Variants in TM9SF3 observed in about 807,000 individuals in gnomAD.
TM9SF3 encodes the protein transmembrane 9 superfamily member 3, also known as SM-11044-binding protein.
In TM9SF3, 14 loss-of-function variants were observed where a neutral mutation model predicts 78.6. That is an observed-to-expected ratio of 0.18 (90% CI 0.12 to 0.28). The LOEUF is 0.28. Ranked by LOEUF, TM9SF3 falls within the 10% of genes least tolerant of loss-of-function variation. The pLI, the probability that TM9SF3 is intolerant of heterozygous loss-of-function variation, is 1.00. For synonymous variants in TM9SF3, 231 were observed against 241.7 expected, an observed-to-expected ratio of 0.96 and a Z score of 0.41; for missense variants, 496 against 721.9, an observed-to-expected ratio of 0.69 and a Z score of 3.59.
chr10:96,526,716 A>G (rs767379549), intron 14 of TM9SF3, among the ~76,000 whole-genome samples: 1 of 152,120 alleles, frequency 6.6e-6, no homozygotes, highest in African/African-American at 2.4e-5. Flanking sequence ...CAAGTATGCA[A>G]TCATAACAAG....
rs1398641845 is a variant in TM9SF3, at chr10:96,521,288, T to G, written c.*975A>C. On this transcript the variant is annotated 3_prime_UTR_variant, in exon 15 of 15. Transcript: ENST00000371142. ...TCTGTAGTCGATCTGTACATCCAAA[T>G]GCATTTGGGAATCTACACCTACGTT... 1.2e-5 allele frequency: 2 copies of G among 167,404 alleles called. No homozygotes were observed. The highest frequency in any genetic ancestry group is 4.1e-4 in the South Asian group (2 of 4,930). The allele number at this position is 167,404 out of a possible 1,614,324, so 10.4% of individuals were successfully genotyped here.
Position 96,519,701 on chromosome 10 carries a change from AAT to A in TM9SF3, c.*2560_*2561del, listed in dbSNP as rs143200530. 6.6e-6 allele frequency: 1 copy of A among 152,080 alleles called. No homozygotes were observed. Among genetic ancestry groups the A allele is most frequent in the Non-Finnish European group, 1.5e-5 (1 of 67,854 alleles). The allele number at this position is 152,080 out of a possible 1,614,324, so 9.4% of individuals were successfully genotyped here. A position where few individuals can be genotyped will look rare whatever the true frequency, so the allele number is the denominator to read the frequency against. Reference sequence around the variant, plus strand: ...AAAACCTCACCTTTCAATTAACTTGAATAATGTTCTATTTTCTATTCTACAAC... The same window carrying A: ...AAAACCTCACCTTTCAATTAACTTGAAATGTTCTATTTTCTATTCTACAAC... On this transcript the variant is annotated 3_prime_UTR_variant, in exon 15 of 15. Transcript: ENST00000371142.
At chr10:96,530,518 T>A in intron 11 of TM9SF3, 22 bp downstream of exon 11, 1 of 1,592,224 alleles carries the variant, frequency 6.3e-7, no homozygotes. Context: ...CCTCAAAACA[T>A]AAATACATTA....
At chr10:96,578,932 A>C (rs1305889466) in intron 1 of TM9SF3, among the ~76,000 whole-genome samples, 1 of 152,148 alleles carries the variant, frequency 6.6e-6, no homozygotes, top group Admixed American at 6.5e-5. Flanking sequence ...AAATATTAGC[A>C]GGGTGTCGTG....
At chr10:96,567,326 C>G (rs1253294653) in intron 2 of TM9SF3, among the ~76,000 whole-genome samples, 1 of 152,222 alleles carries the variant, frequency 6.6e-6, no homozygotes, top group East Asian at 1.9e-4. Context: ...CTCAGGTGAA[C>G]CGCCCGCCTC....
In TM9SF3 at chr10:96,533,114, G is replaced by A; in HGVS notation, c.1262C>T (p.Ser421Leu). 1 of 1,614,104 alleles carries A rather than the reference G, an allele frequency of 6.2e-7. No individual in the cohort carries two copies. Among genetic ancestry groups the A allele is most frequent in the African/African-American group, 1.3e-5 (1 of 75,030 alleles). The change falls in exon 10 of 15, where the codon TCA (serine) becomes TTA (leucine). Residue 421 changes from serine to leucine, a missense_variant. Physicochemically the swap from Ser to Leu is moderately radical, Grantham distance 145 (BLOSUM62 -2). This residue lies in a region of TM9SF3 where 280 missense variants were observed against 422.6 expected (regional missense o/e 0.66). Coordinates refer to ENST00000371142, the MANE Select transcript of TM9SF3 (RefSeq NM_020123.4). ...ACGACAAGGAAAGTTGGGCTGACCT[G>A]ACAGATTTCGGCCAAGTATTGTACC... ...LVGTILGRNL[S>L]GQPNFPCRVN... is the part of the protein sequence containing the mutation.
chr10:96,535,506 T>A (rs977768424), intron 9 of TM9SF3, among the ~76,000 whole-genome samples: 2 of 152,248 alleles, frequency 1.3e-5, no homozygotes, highest in Non-Finnish European at 2.9e-5. Flanking sequence ...AAATACTTAA[T>A]TTGCAAAATA....
At chr10:96,546,364 G>A (rs1314002570) in intron 8 of TM9SF3, among the ~76,000 whole-genome samples, 1 of 152,180 alleles carries the variant, frequency 6.6e-6, no homozygotes, top group African/African-American at 2.4e-5. Flanking sequence ...AAGAATAAGT[G>A]TAGTAAAGGA....
At chr10:96,566,448 TAAGA>T (rs1472637042) in intron 2 of TM9SF3, among the ~76,000 whole-genome samples, 3 of 152,096 alleles carry the variant, frequency 2.0e-5, no homozygotes, top group Non-Finnish European at 2.9e-5. Context: ...CCCCAATCCT[TAAGA>T]GAGAGAGTAG....
chr10:96,579,112 T>G (rs1183242676), intron 1 of TM9SF3, among the ~76,000 whole-genome samples: 2 of 152,198 alleles, frequency 1.3e-5, no homozygotes, highest in Admixed American at 1.3e-4. Context: ...CAAATAGATA[T>G]TTAATAAATA....
chr10:96,570,786 C>T (rs183949096), intron 2 of TM9SF3, among the ~76,000 whole-genome samples: 3 of 152,314 alleles, frequency 2.0e-5, no homozygotes, highest in East Asian at 1.9e-4. Context: ...GCTCTTGTCA[C>T]GCAGGCTGGA....
chr10:96,528,106 A>G lies in TM9SF3; in HGVS notation c.1466T>C (p.Val489Ala). The G allele has an allele frequency of 6.2e-7, 1 of 1,613,034 alleles. No individual in the cohort carries two copies. The highest frequency in any genetic ancestry group is 8.5e-7 in the Non-Finnish European group (1 of 1,179,192). ...YVYGFMMLVL[V>A]ILCIVTVCVT... ...ACAGACAGTCACAATGCACAGGATA[A>G]CCAGCACCAGCATCATGAAGCCATA... is the stretch of plus-strand genomic sequence containing the variant. Residue 489 changes from valine to alanine, a missense_variant, in exon 12 of 15, where the codon GTT (valine) becomes GCT (alanine). Transcript: ENST00000371142.
At chr10:96,522,734 T>TA (rs1423812964) in intron 14 of TM9SF3, among the ~76,000 whole-genome samples, 2 of 151,920 alleles carry the variant, frequency 1.3e-5, no homozygotes, top group African/African-American at 4.8e-5. Context: ...ATCCAATAGA[T>TA]AAATAGTTAG....
chr10:96,564,508 A>G (rs1848347358), intron 3 of TM9SF3, among the ~76,000 whole-genome samples: 2 of 152,266 alleles, frequency 1.3e-5, no homozygotes, highest in Admixed American at 1.3e-4. Context: ...GATGATGCAT[A>G]TAATTATCTC....
intron 4 of TM9SF3, chr10:96,560,891 C>A: frequency 1.9e-6 from 1 of 526,380 alleles, no homozygotes. Context: ...AACATTAAAG[C>A]AAAAATGCAA....
At chr10:96,583,121 GA>G (rs992317676) in intron 1 of TM9SF3, among the ~76,000 whole-genome samples, 2 of 149,158 alleles carry the variant, frequency 1.3e-5, no homozygotes, top group East Asian at 3.9e-4. Flanking sequence ...GAAAGAAAAA[GA>G]AAAAAAAATA....
In TM9SF3 at chr10:96,586,886, GCCGCCTCCT is replaced by G. The variant is rs1848640513; in HGVS notation, c.-60_-52del. 3.1e-6 allele frequency: 3 copies of G among 975,366 alleles called. No homozygotes were observed. The highest frequency in any genetic ancestry group is 2.6e-6 in the Non-Finnish European group (2 of 783,768). 60.4% of individuals were successfully genotyped at this position (975,366 alleles called of 1,614,324 possible). A position where few individuals can be genotyped will look rare whatever the true frequency, so the allele number is the denominator to read the frequency against. On this transcript the variant is annotated 5_prime_UTR_variant, in exon 1 of 15. Transcript: ENST00000371142. ...CGGCTCACCGACTCCTCCTCCCGCC[GCCGCCTCCT>G]CCGCCGCCGCCGCCTCCGCCGCGGC...
At chr10:96,574,336 C>A (rs1028461856) in intron 2 of TM9SF3, among the ~76,000 whole-genome samples, 43 of 152,152 alleles carry the variant, frequency 2.8e-4, no homozygotes, top group Admixed American at 2.8e-3. Context: ...CTCATCATCA[C>A]CGGTCACTAG....
intron 3 of TM9SF3, among the ~76,000 whole-genome samples, chr10:96,563,975 G>A (rs76152128): frequency 0.018 from 2,765 of 152,056 alleles, 87 homozygotes; most frequent in African/African-American, 0.063. Flanking sequence ...TGTTGCTAAC[G>A]AGCCCACAGC....
Sources: gnomAD v4.1 joint callset for allele counts (sites outside exome capture counted in the v4.1 genomes callset) on GRCh38, gnomAD v4.1.1 for gene constraint, gnomAD v4.1.1 regional missense constraint, MANE v1.5 for transcripts, NCBI Gene and HGNC (gene_info 2026-07-23, HGNC 2026-07-21) for gene names.